The following BMPR1B variants were observed in gnomAD, a reference collection of about 807,000 sequenced individuals.
BMPR1B encodes the protein bone morphogenetic protein receptor type 1B, also known as bone morphogenetic protein receptor type-1B.
BMPR1B carries 12 observed loss-of-function variants against 59.1 expected under a neutral mutation model. The ratio of observed to expected loss-of-function variants is 0.20; its 90% CI spans 0.13 to 0.33. The LOEUF is 0.33. Ranked by LOEUF, BMPR1B falls within the 10% of genes least tolerant of loss-of-function variation. The probability of loss-of-function intolerance (pLI) is 1.00; values close to 1 mark genes in which losing one functional copy is unlikely to be tolerated. For missense variants in BMPR1B, 550 were observed against 610.9 expected, an observed-to-expected ratio of 0.90 and a Z score of 1.05; for synonymous variants, 237 against 207.3, an observed-to-expected ratio of 1.14 and a Z score of -1.23.
chr4:94,862,962 AAAAAAT>A (rs60336773), intron 1 of BMPR1B, among the ~76,000 whole-genome samples: 7,522 of 144,920 alleles, frequency 0.052, 731 homozygotes, highest in African/African-American at 0.17. Context: ...AAAAAAAAAA[AAAAAAT>A]TTAGCTGGGC....
At chr4:95,002,539 T>G (rs551749321) in intron 3 of BMPR1B, among the ~76,000 whole-genome samples, 1 of 152,352 alleles carries the variant, frequency 6.6e-6, no homozygotes, top group South Asian at 2.1e-4. Context: ...TTACATTCTT[T>G]GAGAAATCTC....
intron 2 of BMPR1B, among the ~76,000 whole-genome samples, chr4:94,959,183 T>C (rs1730266243): frequency 1.3e-5 from 2 of 152,118 alleles, no homozygotes. Context: ...ATTTTGGGAT[T>C]TTTAGTCTAC....
In BMPR1B at chr4:95,141,257, CT is replaced by C. The variant is rs200927390; in HGVS notation, c.1077-7483del. Among the ~76,000 whole-genome samples the C allele has an allele frequency of 4.7e-3, 713 of 152,140 alleles. 5 individuals carry two copies. The highest frequency in any genetic ancestry group is 0.015 in the African/African-American group (636 of 41,502). ...TTTATGTGTTTCTTTAGTTTCTACTCTTTTTTTTCCACTGTTTTATATTGTA... is the reference window on the plus strand; with the variant it reads ...TTTATGTGTTTCTTTAGTTTCTACTCTTTTTTTCCACTGTTTTATATTGTA... On this transcript the variant is annotated intron_variant, in intron 10 of 12. Transcript: ENST00000515059.
intron 2 of BMPR1B, among the ~76,000 whole-genome samples, chr4:94,954,229 G>A (rs972140426): frequency 3.3e-5 from 5 of 152,016 alleles, no homozygotes; most frequent in African/African-American, 4.8e-5. Flanking sequence ...TTATTCCTTG[G>A]AGCCCAGAAC....
chr4:95,078,951 G>T (rs1016507832), intron 3 of BMPR1B, among the ~76,000 whole-genome samples: 1 of 152,018 alleles, frequency 6.6e-6, no homozygotes, highest in African/African-American at 2.4e-5. Flanking sequence ...TAGAGACAGG[G>T]ATTCACCATG....
intron 6 of BMPR1B, among the ~76,000 whole-genome samples, chr4:95,116,067 G>A (rs1732008433): frequency 6.6e-6 from 1 of 152,060 alleles, no homozygotes; most frequent in Non-Finnish European, 1.5e-5. Context: ...GTGGAGGCAG[G>A]AGCTAGCACT....
intron 1 of BMPR1B, among the ~76,000 whole-genome samples, chr4:94,784,477 A>G (rs1447415522): frequency 2.0e-5 from 3 of 152,072 alleles, no homozygotes; most frequent in Admixed American, 6.6e-5. Flanking sequence ...TAGTTTTTCA[A>G]AATTATATTT....
intron 3 of BMPR1B, among the ~76,000 whole-genome samples, chr4:95,072,186 A>C (rs1728360893): frequency 6.6e-6 from 1 of 152,178 alleles, no homozygotes; most frequent in African/African-American, 2.4e-5. Context: ...AGAAAGGGTC[A>C]GCCTTTTTGT....
At chr4:95,146,159 A>G (rs1734627735) in intron 10 of BMPR1B, among the ~76,000 whole-genome samples, 1 of 152,132 alleles carries the variant, frequency 6.6e-6, no homozygotes, top group Non-Finnish European at 1.5e-5. Flanking sequence ...GTTACTAGGG[A>G]GAAGATTTAT....
chr4:95,095,057 T>C (rs554092572), intron 3 of BMPR1B, among the ~76,000 whole-genome samples: 1 of 151,972 alleles, frequency 6.6e-6, no homozygotes, highest in South Asian at 2.1e-4. Context: ...TTTTTTTTCC[T>C]AAATTTTTTG....
At chr4:95,023,796 A>G (rs1724160788) in intron 3 of BMPR1B, among the ~76,000 whole-genome samples, 1 of 152,218 alleles carries the variant, frequency 6.6e-6, no homozygotes, top group Non-Finnish European at 1.5e-5. Flanking sequence ...TACCAAATGT[A>G]TGTTAATATA....
At chr4:94,862,621 T>C (rs1374030212) in intron 1 of BMPR1B, among the ~76,000 whole-genome samples, 1 of 149,994 alleles carries the variant, frequency 6.7e-6, no homozygotes, top group Admixed American at 6.6e-5. Context: ...CTGGTCAACA[T>C]GATAAAACAC....
chr4:95,142,838 C>T (rs1358098266), intron 10 of BMPR1B, among the ~76,000 whole-genome samples: 4 of 147,636 alleles, frequency 2.7e-5, no homozygotes, highest in African/African-American at 9.9e-5. Context: ...TAACATAACA[C>T]TTTTAGCCAG....
intron 1 of BMPR1B, among the ~76,000 whole-genome samples, chr4:94,762,350 C>T (rs112010257): frequency 2.0e-5 from 3 of 152,088 alleles, no homozygotes; most frequent in African/African-American, 7.2e-5. Context: ...ATTAGGAAAA[C>T]AAGACAGGGT....
chr4:95,115,670 T>A lies in BMPR1B; in HGVS notation c.247-15T>A. The A allele has an allele frequency of 6.2e-7, 1 of 1,601,436 alleles. No individual in the cohort carries two copies. Among genetic ancestry groups the A allele is most frequent in the Non-Finnish European group, 8.6e-7 (1 of 1,168,778 alleles). ...TGGAAGAAACTCACTAATAGCTGTT[T>A]GGGTTCGATTATAGGACACTCCCAT... is the stretch of plus-strand genomic sequence containing the variant. On this transcript the variant is annotated splice_polypyrimidine_tract_variant and intron_variant, in intron 5 of 12. Coordinates refer to ENST00000515059, the MANE Select transcript of BMPR1B (RefSeq NM_001203.3).
chr4:94,905,947 T>A (rs564931105), intron 2 of BMPR1B, among the ~76,000 whole-genome samples: 1 of 151,930 alleles, frequency 6.6e-6, no homozygotes, highest in African/African-American at 2.4e-5. Context: ...TAGACATTTA[T>A]TTTCCTTTAG....
intron 10 of BMPR1B, among the ~76,000 whole-genome samples, chr4:95,144,893 C>T (rs1734530496): frequency 6.6e-6 from 1 of 152,186 alleles, no homozygotes; most frequent in Non-Finnish European, 1.5e-5. Flanking sequence ...TAATTTTATC[C>T]AGTTTATTTA....
At position 94,853,710 on chromosome 4, in the gene BMPR1B, A is replaced by G. The variant is rs573917654; in HGVS notation, c.-182-22121A>G. On this transcript the variant is annotated intron_variant, in intron 1 of 12. Coordinates refer to ENST00000515059, the MANE Select transcript of BMPR1B (RefSeq NM_001203.3). ...GACTAGCAGCACATGCCGCCATCAG[A>G]CTTCAGACACTCTCTGAAGGTGTTT... is the stretch of plus-strand genomic sequence containing the variant. Among the ~76,000 whole-genome samples the G allele has an allele frequency of 5.3e-5, 8 of 152,238 alleles. No homozygotes were observed. In the South Asian group the frequency reaches 1.2e-3, roughly 24 times the overall value.
chr4:94,869,095 A>AACAC lies in BMPR1B; in HGVS notation c.-182-6691_-182-6688dup, dbSNP rs59407857. On this transcript the variant is annotated intron_variant, in intron 1 of 12. Coordinates refer to ENST00000515059, the MANE Select transcript of BMPR1B (RefSeq NM_001203.3). Reference sequence around the variant, plus strand: ...TTGTTTGAATTAAATTTTACTATCAAACACACACACACACACACACACACA... The same window carrying AACAC: ...TTGTTTGAATTAAATTTTACTATCAAACACACACACACACACACACACACACACA... Among the ~76,000 whole-genome samples, 803 of 144,622 alleles carry AACAC rather than the reference A, an allele frequency of 5.6e-3. 6 individuals carry two copies. Among genetic ancestry groups the AACAC allele is most frequent in the African/African-American group, 0.013 (526 of 39,206 alleles). 94.9% of individuals were successfully genotyped at this position (144,622 alleles called of 152,430 possible). A position where few individuals can be genotyped will look rare whatever the true frequency, so the allele number is the denominator to read the frequency against.
Sources: allele counts gnomAD v4.1 joint callset (sites outside exome capture counted in the v4.1 genomes callset), GRCh38; gene constraint gnomAD v4.1.1; transcripts MANE v1.5; gene names NCBI Gene and HGNC (gene_info 2026-07-23, HGNC 2026-07-21).